Variants in LYRM1 observed in about 807,000 individuals in gnomAD.
The protein encoded by LYRM1 is LYR motif-containing protein 1.
In LYRM1, 14 loss-of-function variants were observed where a neutral mutation model predicts 14.9. The ratio of observed to expected loss-of-function variants is 0.94; its 90% confidence interval spans 0.62 to 1.47. The LOEUF is 1.47. LYRM1 is among the 40% of genes most tolerant of loss of function. The pLI, the probability that LYRM1 is intolerant of heterozygous loss-of-function variation, is 0.00. For missense variants in LYRM1, 153 were observed against 149.9 expected (o/e 1.02, Z -0.11); for synonymous variants, 43 against 56.2 (o/e 0.77, Z 1.05).
chr16:20,922,646 T>A (rs1261642053), intron 3 of LYRM1, among the ~76,000 whole-genome samples: 1 of 152,002 alleles, frequency 6.6e-6, no homozygotes, highest in Non-Finnish European at 1.5e-5. Flanking sequence ...CCCGCCACCA[T>A]GCCAGCTAAT....
At chr16:20,903,589 A>G (rs2082169978) in intron 1 of LYRM1, among the ~76,000 whole-genome samples, 1 of 152,170 alleles carries the variant, frequency 6.6e-6, no homozygotes, top group African/African-American at 2.4e-5. Flanking sequence ...CTTGGTCAGC[A>G]TTGGACTGGA....
upstream of LYRM1, chr16:20,900,561 G>C (rs2081984374): frequency 6.6e-6 from 1 of 152,342 alleles, no homozygotes; most frequent in African/African-American, 2.4e-5. Context: ...TAGCAACCCG[G>C]AGGGAGCTGG....
intron 3 of LYRM1, 49 bp downstream of exon 3, chr16:20,920,263 C>A: frequency 7.5e-7 from 1 of 1,329,424 alleles, no homozygotes; most frequent in Non-Finnish European, 1.1e-6. Flanking sequence ...CCTCATCAAC[C>A]TGGTTATTTC....
intron 1 of LYRM1, among the ~76,000 whole-genome samples, chr16:20,904,691 T>TTTTGTGTGTG (rs148224628): frequency 0.3 from 42,009 of 140,888 alleles, 7,069 homozygotes; most frequent in Non-Finnish European, 0.39. Flanking sequence ...AAGTCTGTGG[T>TTTTGTGTGTG]TGTGTGTGTG....
At chr16:20,905,864 G>C (rs1446508538) in intron 1 of LYRM1, among the ~76,000 whole-genome samples, 2 of 152,176 alleles carry the variant, frequency 1.3e-5, no homozygotes, top group African/African-American at 4.8e-5. Flanking sequence ...AAGCATCCTA[G>C]TAAGGGTTAA....
intron 1 of LYRM1, among the ~76,000 whole-genome samples, chr16:20,909,449 C>T (rs191668183): frequency 1.3e-5 from 2 of 152,154 alleles, no homozygotes; most frequent in African/African-American, 2.4e-5. Context: ...GGATAGACTT[C>T]GTGACCAGCT....
chr16:20,918,941 GGAACGCCCTT>G (rs146989948), intron 2 of LYRM1, among the ~76,000 whole-genome samples: 7,809 of 152,206 alleles, frequency 0.051, 426 homozygotes, highest in African/African-American at 0.14. Flanking sequence ...CCATAGGACA[GGAACGCCCTT>G]GAAATTTCCA....
At chr16:20,915,282 A>G (rs995129720) in intron 1 of LYRM1, among the ~76,000 whole-genome samples, 4 of 152,080 alleles carry the variant, frequency 2.6e-5, no homozygotes, top group Non-Finnish European at 5.9e-5. Context: ...ACCACGGTGA[A>G]ACCCTGTCTC....
intron 1 of LYRM1, among the ~76,000 whole-genome samples, chr16:20,915,168 T>A (rs1156939270): frequency 6.6e-6 from 1 of 152,024 alleles, no homozygotes; most frequent in African/African-American, 2.4e-5. Flanking sequence ...TAATTAAAGG[T>A]CTTAATTAAA....
chr16:20,910,973 G>A (rs1326377455), intron 1 of LYRM1, among the ~76,000 whole-genome samples: 1 of 152,152 alleles, frequency 6.6e-6, no homozygotes, highest in African/African-American at 2.4e-5. Flanking sequence ...TGAAACCATG[G>A]AGTTTTAGGG....
At chr16:20,906,309 G>T (rs1158689828) in intron 1 of LYRM1, among the ~76,000 whole-genome samples, 3 of 152,216 alleles carry the variant, frequency 2.0e-5, no homozygotes, top group Non-Finnish European at 4.4e-5. Flanking sequence ...TATTTCAGTT[G>T]TATGAAGTAG....
At chr16:20,910,871 G>A (rs28474732) in intron 1 of LYRM1, among the ~76,000 whole-genome samples, 2,809 of 152,238 alleles carry the variant, frequency 0.018, 83 homozygotes, top group African/African-American at 0.063. Context: ...AGGAAGTTCC[G>A]TCTGTTAATG....
chr16:20,909,501 T>G (rs950362998), intron 1 of LYRM1, among the ~76,000 whole-genome samples: 2 of 152,202 alleles, frequency 1.3e-5, no homozygotes, highest in African/African-American at 4.8e-5. Context: ...TACTGAATAT[T>G]CCTGATGTAT....
At position 20,920,180 on chromosome 16, in the gene LYRM1, T is replaced by C. The variant is rs781470072; in HGVS notation, c.218T>C (p.Ile73Thr). 6.8e-6 allele frequency: 11 copies of C among 1,614,084 alleles called. No homozygotes were observed. The South Asian group carries it at 8.8e-5, about 13-fold the overall frequency. Residue 73 changes from isoleucine (I) to threonine (T), a missense_variant, in exon 3 of 4, where the codon ATT (isoleucine) becomes ACT (threonine). Ile to Thr is a moderately conservative substitution (Grantham distance 89, BLOSUM62 -1). Coordinates refer to ENST00000567954, the MANE Select transcript of LYRM1 (RefSeq NM_001128302.3). ...CIDECTARIE[I>T]GLHYKIPYPR... ...GATGAATGCACAGCCAGGATTGAAA[T>C]TGGACTGCATTACAAGATTCCTTAC...
intron 1 of LYRM1, among the ~76,000 whole-genome samples, chr16:20,907,681 C>T (rs528126154): frequency 6.6e-5 from 10 of 152,166 alleles, no homozygotes; most frequent in Admixed American, 5.2e-4. Context: ...TCTTTGAAGT[C>T]GATTCCCACG....
At chr16:20,915,383 C>A (rs898371054) in intron 1 of LYRM1, among the ~76,000 whole-genome samples, 173 bp from the exon 2 acceptor site, 1 of 151,588 alleles carries the variant, frequency 6.6e-6, no homozygotes, top group Non-Finnish European at 1.5e-5. Flanking sequence ...TGGCGTGAAC[C>A]CGGGAGGCGG....
chr16:20,915,087 G>A (rs1277293172), intron 1 of LYRM1, among the ~76,000 whole-genome samples: 2 of 152,116 alleles, frequency 1.3e-5, no homozygotes, highest in South Asian at 2.1e-4. Context: ...TGAGAGATAC[G>A]GTGTTTCTAT....
At chr16:20,903,701 C>T (rs571064638) in intron 1 of LYRM1, among the ~76,000 whole-genome samples, 3 of 152,104 alleles carry the variant, frequency 2.0e-5, no homozygotes, top group South Asian at 2.1e-4. Flanking sequence ...GGGAAAGTTG[C>T]GCATTCAGTA....
intron 2 of LYRM1, among the ~76,000 whole-genome samples, chr16:20,919,492 C>T (rs1368964406): frequency 1.3e-5 from 2 of 152,206 alleles, no homozygotes; most frequent in Admixed American, 6.5e-5. Context: ...GCAGTCCTCT[C>T]TCTCTAGGAA....
Sources: allele counts gnomAD v4.1 joint callset (sites outside exome capture counted in the v4.1 genomes callset), GRCh38; gene constraint gnomAD v4.1.1; transcripts MANE v1.5; gene names NCBI Gene and HGNC (gene_info 2026-07-23, HGNC 2026-07-21).